The following CNTNAP2 variants were observed in gnomAD, a reference collection of about 807,000 sequenced individuals.
CNTNAP2 encodes contactin associated protein 2.
CNTNAP2 carries 98 observed loss-of-function variants against 155.2 expected under a neutral mutation model. That is an observed-to-expected ratio of 0.63 (90% CI 0.54 to 0.75). CNTNAP2 has a LOEUF of 0.75. Among genes scored for constraint, CNTNAP2 ranks in the 30% least tolerant of loss-of-function variants. The pLI, the probability that CNTNAP2 is intolerant of heterozygous loss-of-function variation, is 0.00. For synonymous variants in CNTNAP2, 651 were observed against 631.2 expected (o/e 1.03, Z -0.47); for missense variants, 1,727 against 1,688.1 (o/e 1.02, Z -0.40).
chr7:147,682,042 T>C (rs149698821), intron 13 of CNTNAP2, among the ~76,000 whole-genome samples: 2,485 of 151,934 alleles, frequency 0.016, 221 homozygotes, highest in Admixed American at 0.15. Context: ...TTATTAAAAG[T>C]AAAGGTTATT....
At chr7:147,378,547 A>C (rs1462269953) in intron 9 of CNTNAP2, among the ~76,000 whole-genome samples, 1 of 152,062 alleles carries the variant, frequency 6.6e-6, no homozygotes, top group African/African-American at 2.4e-5. Context: ...TGTGGGAGCT[A>C]AAAATTAAAA....
intron 15 of CNTNAP2, among the ~76,000 whole-genome samples, chr7:148,060,971 G>C (rs578130113): frequency 6.6e-6 from 1 of 152,308 alleles, no homozygotes; most frequent in South Asian, 2.1e-4. Context: ...TATGATCAAA[G>C]TGTTGAGAGA....
At chr7:147,428,665 A>G (rs1417302386) in intron 10 of CNTNAP2, among the ~76,000 whole-genome samples, 3 of 152,166 alleles carry the variant, frequency 2.0e-5, no homozygotes, top group African/African-American at 4.8e-5. Flanking sequence ...AACTTCCATT[A>G]TTCACTTAAA....
intron 15 of CNTNAP2, among the ~76,000 whole-genome samples, chr7:148,106,491 G>GAGAGAGAGATAGAT (rs1491260259): frequency 4.3e-5 from 2 of 46,344 alleles, no homozygotes; most frequent in African/African-American, 2.2e-4. Context: ...TGCACACTTT[G>GAGAGAGAGATAGAT]AGATATATAT....
chr7:147,923,684 A>T (rs867463315), intron 14 of CNTNAP2, among the ~76,000 whole-genome samples: 2 of 12,580 alleles, frequency 1.6e-4, no homozygotes, highest in African/African-American at 3.2e-4. Context: ...CAGCTAATTA[A>T]AAAAAAAAAA....
intron 13 of CNTNAP2, among the ~76,000 whole-genome samples, chr7:147,736,572 T>C (rs1796848734): frequency 1.3e-5 from 2 of 152,202 alleles, no homozygotes; most frequent in South Asian, 4.1e-4. Flanking sequence ...TTGACCTGCT[T>C]TGCTAGATTG....
chr7:147,712,956 G>A (rs141672280), intron 13 of CNTNAP2, among the ~76,000 whole-genome samples: 2,506 of 152,088 alleles, frequency 0.016, 224 homozygotes, highest in Admixed American at 0.15. Flanking sequence ...ACATTTGATG[G>A]TAAAGCCCAA....
intron 21 of CNTNAP2, among the ~76,000 whole-genome samples, chr7:148,279,185 T>C (rs1190719322): frequency 6.6e-6 from 1 of 152,226 alleles, no homozygotes; most frequent in Non-Finnish European, 1.5e-5. Context: ...AGAAAGGTCA[T>C]TCCAGCTGTG....
chr7:148,080,499 G>A (rs1803575568), intron 15 of CNTNAP2, among the ~76,000 whole-genome samples: 1 of 151,464 alleles, frequency 6.6e-6, no homozygotes. Flanking sequence ...CAGCTACTCA[G>A]GAGACTGAGG....
At chr7:146,927,765 G>C (rs919768160) in intron 3 of CNTNAP2, among the ~76,000 whole-genome samples, 1 of 151,416 alleles carries the variant, frequency 6.6e-6, no homozygotes, top group Non-Finnish European at 1.5e-5. Context: ...CACTTTAAAT[G>C]TGTGTGTGTG....
chr7:146,389,603 A>G (rs1305292519), intron 1 of CNTNAP2, among the ~76,000 whole-genome samples: 1 of 149,374 alleles, frequency 6.7e-6, no homozygotes, highest in Non-Finnish European at 1.5e-5. Flanking sequence ...TCCTTTTTCT[A>G]TAGCAGCTGT....
chr7:146,681,050 T>C (rs1800492614), intron 1 of CNTNAP2, among the ~76,000 whole-genome samples: 1 of 152,072 alleles, frequency 6.6e-6, no homozygotes. Flanking sequence ...GCTACAACTT[T>C]TGAATACTCT....
At chr7:147,601,612 G>T (rs1451121093) in intron 12 of CNTNAP2, among the ~76,000 whole-genome samples, 1 of 131,326 alleles carries the variant, frequency 7.6e-6, no homozygotes, top group Non-Finnish European at 1.6e-5. Context: ...ATTTTAGTAT[G>T]TATCTCTTAA....
At chr7:147,378,167 T>C (rs1362068752) in intron 9 of CNTNAP2, 1 of 296,704 alleles carries the variant, frequency 3.4e-6, no homozygotes, top group Admixed American at 4.6e-5. Flanking sequence ...TGTTTCTAAG[T>C]TTTTTTAAAT....
intron 3 of CNTNAP2, among the ~76,000 whole-genome samples, chr7:146,844,148 A>T (rs190284406): frequency 1.3e-5 from 2 of 152,118 alleles, no homozygotes; most frequent in Admixed American, 1.3e-4. Context: ...AGCAAAGAAC[A>T]AGTCATATAT....
intron 1 of CNTNAP2, among the ~76,000 whole-genome samples, chr7:146,537,222 GA>G (rs1797882719): frequency 6.6e-6 from 1 of 152,004 alleles, no homozygotes; most frequent in African/African-American, 2.4e-5. Context: ...TTTGGAGGGA[GA>G]AAAGGTATTT....
At chr7:147,170,841 AGGG>A (rs1216803442) in intron 8 of CNTNAP2, among the ~76,000 whole-genome samples, 1 of 152,076 alleles carries the variant, frequency 6.6e-6, no homozygotes, top group Non-Finnish European at 1.5e-5. Context: ...GAGCCCTGGG[AGGG>A]GCTGACAGGC....
chr7:146,283,980 T>TC (rs1447304408), intron 1 of CNTNAP2, among the ~76,000 whole-genome samples: 1 of 152,222 alleles, frequency 6.6e-6, no homozygotes, highest in Non-Finnish European at 1.5e-5. Flanking sequence ...ATACTCCCAA[T>TC]ACAAACTCTT....
At chr7:148,404,764 A>G (rs1799659952) in intron 22 of CNTNAP2, among the ~76,000 whole-genome samples, 1 of 152,136 alleles carries the variant, frequency 6.6e-6, no homozygotes. Flanking sequence ...ACACAGTTTT[A>G]TTGAGTGATG....
Sources: allele counts gnomAD v4.1 joint callset (sites outside exome capture counted in the v4.1 genomes callset), GRCh38; gene constraint gnomAD v4.1.1; transcripts MANE v1.5; gene names NCBI Gene and HGNC (gene_info 2026-07-23, HGNC 2026-07-21).